Variants in LRMDA observed in about 807,000 individuals in gnomAD.
LRMDA encodes the protein leucine-rich melanocyte differentiation-associated protein.
Under a neutral mutation model 29.8 loss-of-function variants are expected in LRMDA, and 18 were observed. The observed-to-expected ratio is 0.60, with a 90% CI of 0.42 to 0.90. The LOEUF (loss-of-function observed/expected upper bound fraction) is 0.90, where lower values mean the gene tolerates loss of function less well. Ranked by LOEUF, LRMDA falls within the 40% of genes least tolerant of loss-of-function variation. LRMDA has a pLI of 0.00. For synonymous variants in LRMDA, 125 were observed against 109.4 expected (o/e 1.14, Z -0.89); for missense variants, 273 against 273.9 (o/e 1.00, Z 0.02).
chr10:76,417,597 T>G (rs905908115), intron 6 of LRMDA, among the ~76,000 whole-genome samples: 4 of 152,228 alleles, frequency 2.6e-5, no homozygotes, highest in African/African-American at 9.6e-5. Context: ...GGATTAGTTT[T>G]GATTACTTTT....
chr10:75,809,611 T>C (rs1298516280), intron 2 of LRMDA, among the ~76,000 whole-genome samples: 1 of 152,106 alleles, frequency 6.6e-6, no homozygotes, highest in Non-Finnish European at 1.5e-5. Flanking sequence ...GCCACTGCAC[T>C]CCAGCCTGGG....
chr10:76,003,613 G>T (rs971126444), intron 2 of LRMDA, among the ~76,000 whole-genome samples: 2 of 152,234 alleles, frequency 1.3e-5, no homozygotes, highest in Non-Finnish European at 2.9e-5. Context: ...TGGCAGGACA[G>T]GTTGCAGTAT....
intron 5 of LRMDA, among the ~76,000 whole-genome samples, chr10:76,110,450 C>G (rs953727981): frequency 1.5e-4 from 23 of 152,214 alleles, no homozygotes; most frequent in Admixed American, 2.0e-4. Context: ...ACAGACAAAT[C>G]AGGTCATCCT....
At chr10:75,649,866 T>C (rs950140570) in intron 2 of LRMDA, among the ~76,000 whole-genome samples, 2 of 152,236 alleles carry the variant, frequency 1.3e-5, no homozygotes, top group African/African-American at 4.8e-5. Context: ...ATTTCCCTAA[T>C]GATTAGTCAT....
rs368194153 is a variant in LRMDA at position 75,838,795 on chromosome 10, T to C, written c.132-197213T>C. On this transcript the variant is annotated intron_variant, in intron 2 of 6. Transcript: ENST00000611255. The stretch of plus-strand genomic sequence containing the variant: ...TATTTCCTGGTTTCTTGCCAACTTA[T>C]TGGTTTAAAGTCCTGCCCAGTGAAG... Among the ~76,000 whole-genome samples, 243 of 152,344 alleles carry C rather than the reference T, an allele frequency of 1.6e-3. 1 individual carries two copies. The highest frequency in any genetic ancestry group is 3.2e-3 in the Non-Finnish European group (216 of 68,026).
chr10:75,797,829 A>G (rs1228655780), intron 2 of LRMDA, among the ~76,000 whole-genome samples: 2 of 152,184 alleles, frequency 1.3e-5, no homozygotes, highest in African/African-American at 2.4e-5. Context: ...ATATTCACAT[A>G]TAAGTCTTGT....
At chr10:76,225,724 T>TTTATTTATTAATTAA (rs1554856628) in intron 5 of LRMDA, among the ~76,000 whole-genome samples, 2 of 83,962 alleles carry the variant, frequency 2.4e-5, no homozygotes, top group East Asian at 1.2e-3. Flanking sequence ...TTATTTATTA[T>TTTATTTATTAATTAA]TATATATATA....
intron 2 of LRMDA, among the ~76,000 whole-genome samples, chr10:75,513,372 A>G (rs1376510585): frequency 6.6e-6 from 1 of 152,128 alleles, no homozygotes; most frequent in African/African-American, 2.4e-5. Flanking sequence ...ACCACCATAC[A>G]AATATCATCC....
intron 5 of LRMDA, among the ~76,000 whole-genome samples, chr10:76,131,114 A>G (rs4746363): frequency 0.012 from 1,756 of 152,274 alleles, 15 homozygotes; most frequent in Non-Finnish European, 0.018. Flanking sequence ...TTGCACCTTA[A>G]TGGGTGAGAG....
At chr10:76,380,355 AT>A (rs1428410673) in intron 6 of LRMDA, among the ~76,000 whole-genome samples, 2 of 151,930 alleles carry the variant, frequency 1.3e-5, no homozygotes, top group Non-Finnish European at 2.9e-5. Context: ...AAAAAGTCTT[AT>A]GTTTGTGTAT....
chr10:76,435,781 T>C (rs1203341716), intron 6 of LRMDA, among the ~76,000 whole-genome samples: 1 of 152,106 alleles, frequency 6.6e-6, no homozygotes, highest in Non-Finnish European at 1.5e-5. Flanking sequence ...GAAGACATTA[T>C]CCAGAAGCAA....
chr10:76,429,092 G>T lies in LRMDA; in HGVS notation c.601+104607G>T, dbSNP rs990576958. Among the ~76,000 whole-genome samples, 8 of 151,082 alleles carry T rather than the reference G, an allele frequency of 5.3e-5. No homozygotes were observed. In the South Asian group the frequency reaches 1.5e-3, roughly 28 times the overall value. On this transcript the variant is annotated intron_variant, in intron 6 of 6. Transcript: ENST00000611255. ...ACTGGCATGCCACTGCCTTTTTCAA[G>T]ATAGGAGGAATCCCTTAACTAGTTA...
chr10:76,491,835 T>C (rs1842836479), intron 6 of LRMDA, among the ~76,000 whole-genome samples: 1 of 152,068 alleles, frequency 6.6e-6, no homozygotes. Flanking sequence ...GAGGCTATTT[T>C]CTAGATTTTA....
chr10:76,299,873 T>A (rs1840459705), intron 5 of LRMDA, among the ~76,000 whole-genome samples: 1 of 152,188 alleles, frequency 6.6e-6, no homozygotes, highest in Non-Finnish European at 1.5e-5. Flanking sequence ...TTTGTAGGAT[T>A]AAGATTCAGA....
intron 6 of LRMDA, among the ~76,000 whole-genome samples, chr10:76,518,211 T>C (rs1369636045): frequency 1.3e-5 from 2 of 152,018 alleles, no homozygotes; most frequent in South Asian, 2.1e-4. Flanking sequence ...CAAAACAAAA[T>C]GAGAATATCT....
intron 6 of LRMDA, among the ~76,000 whole-genome samples, chr10:76,530,777 T>C (rs558692393): frequency 1.3e-5 from 2 of 152,330 alleles, no homozygotes; most frequent in African/African-American, 2.4e-5. Flanking sequence ...ATGTTTTTCA[T>C]TCCATGAAAG....
intron 2 of LRMDA, among the ~76,000 whole-genome samples, chr10:75,964,166 A>T (rs1258342602): frequency 6.6e-6 from 1 of 152,240 alleles, no homozygotes; most frequent in Non-Finnish European, 1.5e-5. Context: ...AACTCAACCC[A>T]GAAACCATGT....
At chr10:76,531,132 C>G (rs1843229241) in intron 6 of LRMDA, among the ~76,000 whole-genome samples, 1 of 152,132 alleles carries the variant, frequency 6.6e-6, no homozygotes, top group Non-Finnish European at 1.5e-5. Flanking sequence ...AAGCACTGCT[C>G]AATGTGTCTT....
chr10:75,741,623 T>G (rs1331622620), intron 2 of LRMDA, among the ~76,000 whole-genome samples: 1 of 151,904 alleles, frequency 6.6e-6, no homozygotes, highest in Non-Finnish European at 1.5e-5. Flanking sequence ...ACCACAAGGG[T>G]ATTTGGTGTG....
Sources: gnomAD v4.1 joint callset for allele counts (sites outside exome capture counted in the v4.1 genomes callset) on GRCh38, gnomAD v4.1.1 for gene constraint, MANE v1.5 for transcripts, NCBI Gene and HGNC (gene_info 2026-07-23, HGNC 2026-07-21) for gene names.